Variants in RYR2 observed in about 807,000 individuals in gnomAD.
The protein encoded by RYR2 is ryanodine receptor 2.
Under a neutral mutation model 601.1 loss-of-function variants are expected in RYR2, and 227 were observed. The observed-to-expected ratio is 0.38, with a 90% CI of 0.34 to 0.42. The LOEUF (loss-of-function observed/expected upper bound fraction) is 0.42. Ranked by LOEUF, RYR2 falls within the 10% of genes least tolerant of loss-of-function variation. RYR2 has a pLI of 1.00. For missense variants in RYR2, 4,646 were observed against 6,156.5 expected (o/e 0.75, Z 8.21); for synonymous variants, 2,223 against 2,175.1 (o/e 1.02, Z -0.61).
At chr1:237,624,207 G>A (rs771643482) in intron 39 of RYR2, among the ~76,000 whole-genome samples, 1 of 152,118 alleles carries the variant, frequency 6.6e-6, no homozygotes, top group Non-Finnish European at 1.5e-5. Flanking sequence ...TTTAGTCAAT[G>A]GGTACAAAGT....
chr1:237,416,681 G>A (rs1317893976), intron 10 of RYR2, among the ~76,000 whole-genome samples: 2 of 149,284 alleles, frequency 1.3e-5, no homozygotes, highest in African/African-American at 2.5e-5. Context: ...TTATCACAGA[G>A]TACTTTCATG....
At chr1:237,246,035 C>A (rs1360598394) in intron 1 of RYR2, among the ~76,000 whole-genome samples, 1 of 151,652 alleles carries the variant, frequency 6.6e-6, no homozygotes, top group Non-Finnish European at 1.5e-5. Context: ...CCGCCTTGGC[C>A]TCCCAAAGTG....
rs1028004368 is a variant in RYR2 at position 237,610,983 on chromosome 1, A to G, written c.4905A>G (p.Glu1635=). The G allele has an allele frequency of 2.5e-6, 4 of 1,611,238 alleles. No homozygotes were observed. In the African/African-American group the frequency reaches 4.0e-5, roughly 16 times the overall value. The change falls in exon 36 of 105, where the codon GAA becomes GAG. Residue 1635 remains glutamate (E), a synonymous_variant. Coordinates refer to ENST00000366574, the MANE Select transcript of RYR2 (RefSeq NM_001035.3). The surrounding 1 kb of genome is among the most constrained non-coding windows in gnomAD (Gnocchi z 4.9). ...TCATGTCTCTTCATATCCCTGAGGA[A>G]AACAGGTCAGCCCCAGTGAATCCCT... The part of the protein sequence containing the change: ...LQFMSLHIPE[E]NRSVDILELT...
chr1:237,425,374 A>G (rs1019172186), intron 12 of RYR2, among the ~76,000 whole-genome samples: 2 of 152,128 alleles, frequency 1.3e-5, no homozygotes, highest in Non-Finnish European at 2.9e-5. Context: ...TAACTACTAT[A>G]AAGAAGGCTG....
At chr1:237,683,921 G>T (rs948047580) in intron 62 of RYR2, among the ~76,000 whole-genome samples, 3 of 31,122 alleles carry the variant, frequency 9.6e-5, no homozygotes, top group African/African-American at 3.1e-4. Flanking sequence ...TAGCAGGTGG[G>T]TCTTTTTCTT....
rs200573315 is a variant in RYR2 at position 237,121,405 on chromosome 1, C to G, written c.48+78836C>G. The stretch of plus-strand genomic sequence containing the variant: ...AAGAGAGAGCACTCAACTCCTTTTA[C>G]CTCCTGTTTTCTTGATCGAGGAGAA... On this transcript the variant is annotated intron_variant, in intron 1 of 104. Transcript: ENST00000366574. Among the ~76,000 whole-genome samples the G allele has an allele frequency of 3.9e-5, 6 of 152,160 alleles. No homozygotes were observed. In the East Asian group the frequency reaches 9.7e-4, roughly 24 times the overall value.
Position 237,773,622 on chromosome 1 carries a change from T to G in RYR2, c.11749T>G (p.Phe3917Val), listed in dbSNP as rs1312322436. ...SKAIQVAKQVFNTLTEYIQGP... is the reference protein window; with the variant it reads ...SKAIQVAKQVVNTLTEYIQGP... ...AGCTATCCAAGTGGCAAAACAAGTC[T>G]TTAACACTCTTACAGAGTATATTCA... The change falls in exon 87 of 105, where the codon TTT (phenylalanine) becomes GTT (valine). Residue 3917 changes from phenylalanine (F) to valine (V), a missense_variant. Coordinates refer to ENST00000366574, the MANE Select transcript of RYR2 (RefSeq NM_001035.3). 6.2e-7 allele frequency: 1 copy of G among 1,612,054 alleles called. No homozygotes were observed.
At chr1:237,086,806 T>G (rs143406197) in intron 1 of RYR2, among the ~76,000 whole-genome samples, 1 of 152,240 alleles carries the variant, frequency 6.6e-6, no homozygotes, top group Non-Finnish European at 1.5e-5. Context: ...TGTAGAGATA[T>G]TGGGCCTTCA....
At chr1:237,713,367 A>G (rs917868923) in intron 71 of RYR2, among the ~76,000 whole-genome samples, 2 of 152,052 alleles carry the variant, frequency 1.3e-5, no homozygotes, top group African/African-American at 4.8e-5. Context: ...ATTTTCTCAA[A>G]CTAAAAAATT....
intron 8 of RYR2, among the ~76,000 whole-genome samples, chr1:237,383,435 T>TTTTTTTTTTTTTTTTTTTTA (rs1701710822): frequency 9.2e-6 from 1 of 108,366 alleles, no homozygotes; most frequent in Admixed American, 9.8e-5. Flanking sequence ...TTTTTTTTTT[T>TTTTTTTTTTTTTTTTTTTTA]TTTTTTTTTT....
intron 7 of RYR2, among the ~76,000 whole-genome samples, chr1:237,375,725 C>T (rs551198891): frequency 6.6e-6 from 1 of 152,292 alleles, no homozygotes; most frequent in South Asian, 2.1e-4. Context: ...TTGTTTTGTA[C>T]AGGCTCTATC....
chr1:237,146,316 A>ATT (rs1207251310), intron 1 of RYR2, among the ~76,000 whole-genome samples: 3 of 152,172 alleles, frequency 2.0e-5, no homozygotes, highest in African/African-American at 7.2e-5. Context: ...GCTCTAAGTC[A>ATT]ACTATCTAAT....
intron 8 of RYR2, among the ~76,000 whole-genome samples, chr1:237,385,103 A>G (rs1701861045): frequency 6.6e-6 from 1 of 151,836 alleles, no homozygotes; most frequent in South Asian, 2.1e-4. Flanking sequence ...GTTAGCCAGG[A>G]TGGTCTCAAT....
At chr1:237,683,212 G>A (rs1415433185) in intron 62 of RYR2, among the ~76,000 whole-genome samples, 3 of 152,184 alleles carry the variant, frequency 2.0e-5, no homozygotes, top group African/African-American at 7.2e-5. Flanking sequence ...GGTTTTAAGT[G>A]TTTAACAGAC....
intron 1 of RYR2, among the ~76,000 whole-genome samples, chr1:237,251,027 G>GGTGTGT (rs1435590510): frequency 6.2e-5 from 4 of 64,942 alleles, no homozygotes; most frequent in Non-Finnish European, 9.3e-5. Flanking sequence ...TTCCCCAACA[G>GGTGTGT]ATGTGTGTGT....
At chr1:237,655,489 G>A (rs1160319179) in intron 52 of RYR2, among the ~76,000 whole-genome samples, 2 of 152,080 alleles carry the variant, frequency 1.3e-5, no homozygotes, top group Non-Finnish European at 2.9e-5. Context: ...TAACTATAAG[G>A]AATGTAGTCC....
intron 63 of RYR2, among the ~76,000 whole-genome samples, chr1:237,690,815 A>G (rs1024952113): frequency 6.6e-6 from 1 of 152,206 alleles, no homozygotes; most frequent in Non-Finnish European, 1.5e-5. Context: ...GTGAGCCAAC[A>G]TTGCACACCA....
intron 1 of RYR2, among the ~76,000 whole-genome samples, chr1:237,064,155 A>C (rs899085346): frequency 1.3e-5 from 2 of 151,916 alleles, no homozygotes; most frequent in Admixed American, 1.3e-4. Context: ...TGTCTCTTTT[A>C]CATTCTTTTC....
chr1:237,755,087 C>T (rs1354592936), intron 80 of RYR2: 2 of 1,288,600 alleles, frequency 1.6e-6, no homozygotes, highest in Non-Finnish European at 2.0e-6. Context: ...ATTTAAGAAA[C>T]AAATTTGCCA....
Sources: gnomAD v4.1 joint callset for allele counts (sites outside exome capture counted in the v4.1 genomes callset) on GRCh38, gnomAD v4.1.1 for gene constraint, Gnocchi (gnomAD v3.1) non-coding constraint, MANE v1.5 for transcripts, NCBI Gene and HGNC (gene_info 2026-07-23, HGNC 2026-07-21) for gene names.